Variants in RANBP2 observed in about 807,000 individuals in gnomAD.
RANBP2 encodes RAN binding protein 2, also known as E3 SUMO-protein ligase RanBP2.
RANBP2 carries 57 observed loss-of-function variants against 303.6 expected under a neutral mutation model. That is an observed-to-expected ratio of 0.19 (90% CI 0.15 to 0.23). The LOEUF is 0.23. Ranked by LOEUF, RANBP2 falls within the 10% of genes least tolerant of loss-of-function variation. The pLI is 1.00. For synonymous variants in RANBP2, 1,167 were observed against 1,301.5 expected (o/e 0.90, Z 2.23); for missense variants, 3,138 against 3,780.8 (o/e 0.83, Z 4.46).
chr2:109,277,132 C>A, the RANBP2 span, among the ~76,000 whole-genome samples: 2 of 152,118 alleles, frequency 1.3e-5, no homozygotes, highest in Admixed American at 6.6e-5. Flanking sequence ...TAGGAGGGGG[C>A]ATGGGGTGGC....
At chr2:109,164,818 A>G in the RANBP2 span, among the ~76,000 whole-genome samples, 1 of 152,220 alleles carries the variant, frequency 6.6e-6, no homozygotes, top group Non-Finnish European at 1.5e-5. Flanking sequence ...TGAGCCAGGA[A>G]GTGAGTTTCT....
At chr2:109,513,908 A>T in the RANBP2 span, among the ~76,000 whole-genome samples, 2 of 152,184 alleles carry the variant, frequency 1.3e-5, no homozygotes, top group African/African-American at 4.8e-5. Context: ...GACCACCGTG[A>T]TGGTGGCCGA....
At chr2:109,606,606 A>T in the RANBP2 span, among the ~76,000 whole-genome samples, 1 of 151,934 alleles carries the variant, frequency 6.6e-6, no homozygotes, top group Admixed American at 6.6e-5. Flanking sequence ...TAGGCCACTA[A>T]AAGTTGAAAA....
the RANBP2 span, among the ~76,000 whole-genome samples, chr2:108,891,844 G>A: frequency 2.0e-5 from 3 of 152,246 alleles, no homozygotes; most frequent in Admixed American, 6.5e-5. Flanking sequence ...TGGCCTTCAG[G>A]TGACACTTGC....
chr2:108,896,949 C>T, the RANBP2 span: 435 of 1,613,350 alleles, frequency 2.7e-4, 7 homozygotes, highest in Admixed American at 7.1e-3. Flanking sequence ...GCACAACCCC[C>T]GCCCACTCCA....
the RANBP2 span, among the ~76,000 whole-genome samples, chr2:108,814,373 G>T: frequency 6.6e-6 from 1 of 152,002 alleles, no homozygotes; most frequent in African/African-American, 2.4e-5. Context: ...AAATTTTCTA[G>T]TTCTTTATAA....
chr2:108,929,091 C>G, the RANBP2 span: 1 of 1,314,428 alleles, frequency 7.6e-7, no homozygotes, highest in Non-Finnish European at 1.1e-6. Context: ...GCGGCTGCAC[C>G]GAGGCCTGCA....
chr2:109,136,632 A>C, the RANBP2 span, among the ~76,000 whole-genome samples: 13 of 152,302 alleles, frequency 8.5e-5, no homozygotes, highest in Non-Finnish European at 1.6e-4. Context: ...GGAGACCTGA[A>C]GGAGGCCCAA....
chr2:109,198,061 C>T, the RANBP2 span, among the ~76,000 whole-genome samples: 1 of 152,130 alleles, frequency 6.6e-6, no homozygotes, highest in African/African-American at 2.4e-5. Context: ...AGTCCCCATG[C>T]AGTGTGTCAG....
the RANBP2 span, among the ~76,000 whole-genome samples, chr2:109,011,921 G>C: frequency 6.6e-5 from 10 of 152,248 alleles, no homozygotes; most frequent in African/African-American, 1.9e-4. Flanking sequence ...ATATGTGTGT[G>C]TGTGTGTGAT....
chr2:109,013,930 A>G, the RANBP2 span, among the ~76,000 whole-genome samples: 1 of 152,118 alleles, frequency 6.6e-6, no homozygotes, highest in Non-Finnish European at 1.5e-5. Context: ...GCTTGTTACT[A>G]AAGTTGGAGT....
chr2:109,648,971 G>A, the RANBP2 span, among the ~76,000 whole-genome samples: 9 of 152,250 alleles, frequency 5.9e-5, no homozygotes, highest in South Asian at 1.2e-3. Context: ...GACTGGTTGC[G>A]GGTGAGAGGG....
the RANBP2 span, among the ~76,000 whole-genome samples, chr2:109,165,330 C>G: frequency 1.3e-5 from 2 of 152,228 alleles, no homozygotes; most frequent in African/African-American, 4.8e-5. Flanking sequence ...CATTCCCTCC[C>G]TCATCCTTCC....
chr2:108,849,259 T>TA, the RANBP2 span, among the ~76,000 whole-genome samples: 3 of 152,182 alleles, frequency 2.0e-5, no homozygotes, highest in African/African-American at 7.2e-5. Context: ...ATTATGTACT[T>TA]AGAGTCTATG....
the RANBP2 span, among the ~76,000 whole-genome samples, chr2:109,013,035 C>T: frequency 6.6e-6 from 1 of 152,238 alleles, no homozygotes; most frequent in Non-Finnish European, 1.5e-5. Flanking sequence ...ACTCCATGCT[C>T]ACCACAGGTG....
chr2:109,559,909 G>GA, the RANBP2 span, among the ~76,000 whole-genome samples: 2 of 115,178 alleles, frequency 1.7e-5, no homozygotes, highest in East Asian at 4.8e-4. Flanking sequence ...TCCAACCAAT[G>GA]CCTTTTTTTT....
the RANBP2 span, among the ~76,000 whole-genome samples, chr2:108,928,523 C>A: frequency 1.3e-5 from 2 of 152,196 alleles, no homozygotes; most frequent in African/African-American, 4.8e-5. Flanking sequence ...ACCAGGGACA[C>A]CACCACTGCT....
At chr2:109,613,650 C>T in the RANBP2 span, 9 of 511,570 alleles carry the variant, frequency 1.8e-5, no homozygotes, top group Non-Finnish European at 2.6e-5. Flanking sequence ...CCGGCCGCCG[C>T]GGAAGCCGGG....
chr2:108,864,920 C>T, the RANBP2 span, among the ~76,000 whole-genome samples: 2 of 151,672 alleles, frequency 1.3e-5, no homozygotes, highest in African/African-American at 2.4e-5. Flanking sequence ...ATTAACATGC[C>T]ACTGCACACC....
Sources: allele counts gnomAD v4.1 joint callset (sites outside exome capture counted in the v4.1 genomes callset), GRCh38; gene constraint gnomAD v4.1.1; transcripts MANE v1.5; gene names NCBI Gene and HGNC (gene_info 2026-07-23, HGNC 2026-07-21).